Variants in ABCA4 observed in about 807,000 individuals in gnomAD.
ABCA4 encodes ATP binding cassette subfamily A member 4, also known as retinal-specific phospholipid-transporting ATPase ABCA4.
Under a neutral mutation model 263.7 loss-of-function variants are expected in ABCA4, and 196 were observed. That is an observed-to-expected ratio of 0.74 (90% confidence interval 0.66 to 0.84). The LOEUF (loss-of-function observed/expected upper bound fraction) is 0.84, where lower values mean the gene tolerates loss of function less well. Ranked by LOEUF, ABCA4 falls within the 40% of genes least tolerant of loss-of-function variation. The pLI, the probability that ABCA4 is intolerant of heterozygous loss-of-function variation, is 0.00. For synonymous variants in ABCA4, 1,133 were observed against 1,094.2 expected, an observed-to-expected ratio of 1.04 and a Z score of -0.70; for missense variants, 2,792 against 2,855.1, an observed-to-expected ratio of 0.98 and a Z score of 0.50.
chr1:94,021,747 T>C lies in ABCA4; in HGVS notation c.4774-33A>G, dbSNP rs141919599. ...CCATGTAAACAAACAAACAAGACGG[T>C]TTTAATTTTTTTTTCCTGTTATCAC... On this transcript the variant is annotated intron_variant, in intron 33 of 49. Transcript: ENST00000370225. 2.0e-3 allele frequency: 3,171 copies of C among 1,609,924 alleles called. 4 individuals are homozygous for C. The highest frequency in any genetic ancestry group is 2.4e-3 in the Non-Finnish European group (2,833 of 1,176,346).
At chr1:94,056,473 C>G in intron 15 of ABCA4, 128 bp downstream of exon 15, 1 of 1,025,394 alleles carries the variant, frequency 9.8e-7, no homozygotes, top group South Asian at 1.4e-5. Context: ...TTTAGCCTCA[C>G]GTGAACTTTT....
At chr1:94,002,076 T>C in intron 44 of ABCA4, 84 bp from the exon 45 acceptor site, 1 of 1,596,410 alleles carries the variant, frequency 6.3e-7, no homozygotes, top group Middle Eastern at 1.7e-4. Context: ...GGCTCCCAGA[T>C]CTCACGCCTC....
In ABCA4 at chr1:94,041,317, G is replaced by T; in HGVS notation, c.3414C>A (p.Leu1138=). The T allele has an allele frequency of 6.2e-7, 1 of 1,614,144 alleles. No individual in the cohort carries two copies. The highest frequency in any genetic ancestry group is 2.2e-5 in the East Asian group (1 of 44,862). ...GGAAGAGTGGGGTGCCTGAGCAGTA[G>T]AGCCTTCCCTGGGCAATGATGGCAA... ...DRIAIIAQGR[L]YCSGTPLFLK... The change falls in exon 23 of 50, where the codon CTC becomes CTA. Residue 1138 remains leucine, a synonymous_variant. Transcript: ENST00000370225.
intron 6 of ABCA4, among the ~76,000 whole-genome samples, chr1:94,096,041 T>G (rs531857346): frequency 6.6e-6 from 1 of 152,280 alleles, no homozygotes; most frequent in Non-Finnish European, 1.5e-5. Context: ...CACACCACGG[T>G]GGTCTCATGG....
At chr1:94,037,472 CAGT>C (rs1483068177) in intron 24 of ABCA4, 122 bp from the exon 25 acceptor site, 8 of 901,046 alleles carry the variant, frequency 8.9e-6, no homozygotes, top group African/African-American at 1.6e-5. Context: ...TGTATCTCGG[CAGT>C]GACTCTTTCA....
At chr1:94,001,434 C>T (rs564358016) in intron 45 of ABCA4, 509 of 498,112 alleles carry the variant, frequency 1.0e-3, no homozygotes, top group Non-Finnish European at 1.7e-3. Flanking sequence ...CAGGTCACTT[C>T]CTTGGTTCCC....
chr1:94,084,663 T>A (rs1661786045), intron 6 of ABCA4, among the ~76,000 whole-genome samples: 1 of 152,200 alleles, frequency 6.6e-6, no homozygotes, highest in African/African-American at 2.4e-5. Context: ...ACAAAGCAGA[T>A]GGGTAGAATT....
In ABCA4 at chr1:94,025,057, A is replaced by G. The variant is rs757366894; in HGVS notation, c.4540-9T>C. ...GTGCTGCGCTGTGTTCTCTGAGGCA[A>G]TGAGACACCCACGTTAATTACCTTG... is the stretch of plus-strand genomic sequence containing the variant. On this transcript the variant is annotated splice_polypyrimidine_tract_variant and intron_variant, in intron 30 of 49. Transcript: ENST00000370225. 2.5e-6 allele frequency: 4 copies of G among 1,612,404 alleles called. No homozygotes were observed. Among genetic ancestry groups the G allele is most frequent in the South Asian group, 2.2e-5 (2 of 91,052 alleles).
chr1:94,044,694 C>A lies in ABCA4; in HGVS notation c.2969G>T (p.Gly990Val), dbSNP rs1406273620. Residue 990 changes from glycine to valine, a missense_variant, in exon 20 of 50, where the codon GGG becomes GTG. Coordinates refer to ENST00000370225, the MANE Select transcript of ABCA4 (RefSeq NM_000350.3). ...LPPTSGTVLV[G>V]GRDIETSLDA... ...CAGGCTGGTTTCAATGTCCCTTCCC[C>A]CAACGAGCACAGTCCCAGAGGTTGG... 1.9e-6 allele frequency: 3 copies of A among 1,614,192 alleles called. No individual in the cohort carries two copies. The highest frequency in any genetic ancestry group is 2.5e-6 in the Non-Finnish European group (3 of 1,180,034).
chr1:94,102,953 C>G, intron 5 of ABCA4, 62 bp downstream of exon 5: 2 of 1,607,908 alleles, frequency 1.2e-6, no homozygotes, highest in East Asian at 4.5e-5. Context: ...ATATTTCTTG[C>G]CTTTCTCAGG....
intron 35 of ABCA4, 133 bp downstream of exon 35, chr1:94,021,107 A>T: frequency 1.6e-6 from 2 of 1,237,142 alleles, no homozygotes; most frequent in Non-Finnish European, 2.4e-6. Context: ...TGAAAGTCGG[A>T]TGTTCATATG....
intron 49 of ABCA4, among the ~76,000 whole-genome samples, chr1:93,994,171 C>T (rs1013909126): frequency 1.3e-5 from 2 of 152,200 alleles, no homozygotes; most frequent in Non-Finnish European, 2.9e-5. Flanking sequence ...TGGGAATGCA[C>T]ATGCGATGGT....
chr1:94,014,026 G>T (rs1197886926), intron 38 of ABCA4, among the ~76,000 whole-genome samples: 1 of 152,130 alleles, frequency 6.6e-6, no homozygotes, highest in African/African-American at 2.4e-5. Flanking sequence ...TGATGTGTGT[G>T]TGTGTAAAAC....
At chr1:94,111,988 G>C (rs1008736445) in intron 2 of ABCA4, among the ~76,000 whole-genome samples, 31 of 152,226 alleles carry the variant, frequency 2.0e-4, no homozygotes, top group Non-Finnish European at 1.0e-4. Context: ...GCATGCAGTA[G>C]GGCTGCAGGT....
intron 11 of ABCA4, among the ~76,000 whole-genome samples, chr1:94,077,230 A>G (rs1661559519): frequency 6.6e-6 from 1 of 152,226 alleles, no homozygotes; most frequent in Admixed American, 6.5e-5. Context: ...TAATTAGGAT[A>G]GGAAATATAG....
At chr1:94,090,788 G>T (rs1057314963) in intron 6 of ABCA4, among the ~76,000 whole-genome samples, 1 of 152,128 alleles carries the variant, frequency 6.6e-6, no homozygotes, top group South Asian at 2.1e-4. Context: ...TCAATAATAC[G>T]TGTTGTGGTA....
At chr1:94,078,847 T>C (rs1661609137) in intron 9 of ABCA4, 141 bp from the exon 10 acceptor site, 1 of 743,528 alleles carries the variant, frequency 1.3e-6, no homozygotes, top group African/African-American at 1.7e-5. Flanking sequence ...CTCAGTCTAT[T>C]GCTATTTCCC....
Position 94,104,866 on chromosome 1 carries a change from G to A in ABCA4, c.443-1724C>T, listed in dbSNP as rs148617369. ...CCTCCTGCTTTTCCTCCTGTCCCTGGGTGCCAGCTCCATTGTTCTTTTCCC... is the reference window on the plus strand; with the variant it reads ...CCTCCTGCTTTTCCTCCTGTCCCTGAGTGCCAGCTCCATTGTTCTTTTCCC... On this transcript the variant is annotated intron_variant, in intron 4 of 49. Coordinates refer to ENST00000370225, the MANE Select transcript of ABCA4 (RefSeq NM_000350.3). Among the ~76,000 whole-genome samples the A allele has an allele frequency of 4.7e-3, 717 of 152,132 alleles. 17 individuals carry two copies. Among genetic ancestry groups the A allele is most frequent in the Non-Finnish European group, 3.5e-3 (236 of 68,012 alleles).
At chr1:93,997,137 G>A (rs1659029477) in intron 48 of ABCA4, among the ~76,000 whole-genome samples, 1 of 152,150 alleles carries the variant, frequency 6.6e-6, no homozygotes, top group Non-Finnish European at 1.5e-5. Flanking sequence ...TGGTTGGCAT[G>A]GTCAATTTTA....
Sources: allele counts gnomAD v4.1 joint callset (sites outside exome capture counted in the v4.1 genomes callset), GRCh38; gene constraint gnomAD v4.1.1; transcripts MANE v1.5; gene names NCBI Gene and HGNC (gene_info 2026-07-23, HGNC 2026-07-21).